Variants in DNAH10 observed in about 807,000 individuals in gnomAD.
The protein encoded by DNAH10 is dynein axonemal heavy chain 10, also known as axonemal beta dynein heavy chain 10.
In DNAH10, 348 loss-of-function variants were observed where a neutral mutation model predicts 506.6. The ratio of observed to expected loss-of-function variants is 0.69; its 90% CI spans 0.63 to 0.75. The LOEUF (loss-of-function observed/expected upper bound fraction) is 0.75. Among genes scored for constraint, DNAH10 ranks in the 30% least tolerant of loss-of-function variants. The probability of loss-of-function intolerance (pLI) is 0.00; values close to 1 mark genes in which losing one functional copy is unlikely to be tolerated. For missense variants in DNAH10, 5,179 were observed against 5,787.1 expected, an observed-to-expected ratio of 0.89 and a Z score of 3.41; for synonymous variants, 2,059 against 2,198.6, an observed-to-expected ratio of 0.94 and a Z score of 1.78.
At chr12:123,875,714 T>A (rs528837734) in intron 47 of DNAH10, among the ~76,000 whole-genome samples, 2 of 152,144 alleles carry the variant, frequency 1.3e-5, no homozygotes, top group South Asian at 4.2e-4. Flanking sequence ...GAGGAAGAGG[T>A]CCATGGAGGT....
intron 2 of DNAH10, 108 bp downstream of exon 2, chr12:123,767,797 T>G (rs1957103687): frequency 2.2e-6 from 2 of 916,058 alleles, no homozygotes; most frequent in Non-Finnish European, 3.5e-6. Context: ...TCACTGGGTA[T>G]GAACCACAAA....
chr12:123,764,631 G>C (rs186015307), intron 1 of DNAH10, among the ~76,000 whole-genome samples: 1 of 152,210 alleles, frequency 6.6e-6, no homozygotes, highest in African/African-American at 2.4e-5. Flanking sequence ...ATGTCATCCA[G>C]TGTGGAAGCA....
At position 123,871,609 on chromosome 12, in the gene DNAH10, C is replaced by A. The variant is rs367601247; in HGVS notation, c.7785+7C>A. The A allele has an allele frequency of 1.3e-6, 2 of 1,547,926 alleles. No homozygotes were observed. Among genetic ancestry groups the A allele is most frequent in the African/African-American group, 2.7e-5 (2 of 73,060 alleles). On this transcript the variant is annotated splice_region_variant and intron_variant, in intron 45 of 78. Coordinates refer to ENST00000673944, the MANE Select transcript of DNAH10 (RefSeq NM_001372106.1). ...TCTGAGTGAAGAAACTAACGTAAGT[C>A]ATTATTCATATGAATTATCTATTGC...
rs776597295 is a variant in DNAH10, at chr12:123,928,341, G to A, written c.12106-46G>A. On this transcript the variant is annotated intron_variant, in intron 69 of 78. Transcript: ENST00000673944. The surrounding 1 kb of genome is among the most constrained non-coding windows in gnomAD (Gnocchi z 4.9). ...GTGGGTCTCTGGAGAGCACGGGGTT[G>A]GGTTTGGATGCCAACCCCTCTCCTC... 3.9e-5 allele frequency: 61 copies of A among 1,546,096 alleles called. No individual in the cohort carries two copies. In the Middle Eastern group the frequency reaches 6.7e-4, roughly 17 times the overall value.
At chr12:123,848,675 G>C (rs540590806) in intron 33 of DNAH10, 55 bp from the exon 34 acceptor site, 1 of 1,603,346 alleles carries the variant, frequency 6.2e-7, no homozygotes, top group African/African-American at 1.3e-5. Context: ...TAAATGTGTT[G>C]CTTGCAGTTT....
intron 56 of DNAH10, among the ~76,000 whole-genome samples, chr12:123,899,776 C>T (rs180760946): frequency 8.5e-5 from 13 of 152,306 alleles, no homozygotes; most frequent in Admixed American, 6.5e-5. Context: ...ATCCCTGAGG[C>T]GCCTCTAGTT....
At chr12:123,832,513 A>ATT (rs879362943) in intron 26 of DNAH10, among the ~76,000 whole-genome samples, 4 of 147,238 alleles carry the variant, frequency 2.7e-5, no homozygotes, top group African/African-American at 7.4e-5. Flanking sequence ...ATCAATACAG[A>ATT]TTTTTTTTTT....
intron 65 of DNAH10, among the ~76,000 whole-genome samples, chr12:123,921,585 T>G (rs1954724238): frequency 6.6e-6 from 1 of 152,112 alleles, no homozygotes; most frequent in African/African-American, 2.4e-5. Context: ...GAGCTTTTGA[T>G]GTGTTCTGTG....
chr12:123,784,208 G>C (rs763344156), intron 8 of DNAH10, 31 bp downstream of exon 8: 1 of 1,588,510 alleles, frequency 6.3e-7, no homozygotes, highest in Non-Finnish European at 8.6e-7. Context: ...TTTGCAGTCA[G>C]CTCTGTCAAA....
chr12:123,813,053 A>G, intron 19 of DNAH10, 111 bp from the exon 20 acceptor site: 1 of 725,194 alleles, frequency 1.4e-6, no homozygotes, highest in Non-Finnish European at 2.2e-6. Context: ...TTTATTAATA[A>G]TAAAGTGATT....
In DNAH10 at chr12:123,845,792, C is replaced by G. The variant is rs767366047; in HGVS notation, c.5553C>G (p.Asn1851Lys). The G allele has an allele frequency of 2.5e-6, 4 of 1,613,974 alleles. No individual in the cohort carries two copies. The Admixed American group carries it at 6.7e-5, about 27-fold the overall frequency. The change falls in exon 31 of 79, where the codon AAC becomes AAG. Residue 1851 changes from asparagine to lysine, a missense_variant. Transcript: ENST00000673944. Reference protein sequence around the residue: ...VTRITMPLSKNDRKKYNTVLI... With the variant: ...VTRITMPLSKKDRKKYNTVLI... ...GCATCACCATGCCGCTAAGCAAAAA[C>G]GACAGGAAAAAATACAACACTGTTC...
At chr12:123,871,230 G>A (rs371881232) in intron 44 of DNAH10, among the ~76,000 whole-genome samples, 10 of 152,190 alleles carry the variant, frequency 6.6e-5, no homozygotes, top group African/African-American at 1.4e-4. Flanking sequence ...TCTCAAAACC[G>A]GCTTGGGCGT....
In DNAH10 at chr12:123,911,066, C is replaced by T. The variant is rs1284378808; in HGVS notation, c.10134+394C>T. On this transcript the variant is annotated intron_variant, in intron 59 of 78. Coordinates refer to ENST00000673944, the MANE Select transcript of DNAH10 (RefSeq NM_001372106.1). ...ACAAAAAAAAAGTTTTTTAATTAGC[C>T]GAGCATGGTGGCACACACCTGTACT... Among the ~76,000 whole-genome samples, 7 of 149,882 alleles carry T rather than the reference C, an allele frequency of 4.7e-5. No individual in the cohort carries two copies. The East Asian group carries it at 1.0e-3, about 21-fold the overall frequency.
intron 62 of DNAH10, 105 bp downstream of exon 62, chr12:123,915,104 G>C (rs1954411837): frequency 7.1e-7 from 1 of 1,404,294 alleles, no homozygotes; most frequent in Non-Finnish European, 9.4e-7. Context: ...AGCGAGGCTG[G>C]GCTGAAATGC....
intron 42 of DNAH10, 96 bp downstream of exon 42, chr12:123,867,697 G>A (rs1951866515): frequency 6.5e-7 from 1 of 1,539,684 alleles, no homozygotes; most frequent in African/African-American, 1.4e-5. Context: ...CAGACAGGGT[G>A]AACAGTAGCA....
intron 13 of DNAH10, among the ~76,000 whole-genome samples, chr12:123,798,825 A>T (rs1958373899): frequency 6.7e-6 from 1 of 149,112 alleles, no homozygotes; most frequent in African/African-American, 2.4e-5. Context: ...TATAAAAATG[A>T]CCAGGTGCAG....
chr12:123,809,548 G>T (rs143775839), intron 19 of DNAH10, among the ~76,000 whole-genome samples: 1 of 152,158 alleles, frequency 6.6e-6, no homozygotes, highest in African/African-American at 2.4e-5. Context: ...TACTTGGGAG[G>T]CTGAGGCAGA....
chr12:123,846,057 G>A lies in DNAH10; in HGVS notation c.5717G>A (p.Cys1906Tyr), dbSNP rs763218588. 1.2e-6 allele frequency: 2 copies of A among 1,614,044 alleles called. No homozygotes were observed. Among genetic ancestry groups the A allele is most frequent in the Non-Finnish European group, 1.7e-6 (2 of 1,179,900 alleles). ...REPDELNIRQ[C>Y]TGTFGYGYEY... is the part of the protein sequence containing the mutation. ...CCGGATGAGCTGAACATCCGCCAGTGCACGGGAACCTTTGGCTACGGCTAC... is the reference window on the plus strand; with the variant it reads ...CCGGATGAGCTGAACATCCGCCAGTACACGGGAACCTTTGGCTACGGCTAC... Residue 1906 changes from cysteine to tyrosine, a missense_variant, in exon 32 of 79, where the codon TGC becomes TAC. This residue lies in a region of DNAH10 where 4,844 missense variants were observed against 5,430.5 expected (regional missense o/e 0.89). Transcript: ENST00000673944. This position sits in a 1 kb window ranked among gnomAD's most constrained non-coding sequence, Gnocchi z 4.5.
chr12:123,910,367 T>C (rs1009112499), intron 58 of DNAH10, among the ~76,000 whole-genome samples, 169 bp from the exon 59 acceptor site: 36 of 152,242 alleles, frequency 2.4e-4, no homozygotes, highest in African/African-American at 8.4e-4. Flanking sequence ...CATCCGTTTA[T>C]GCAGAACCCA....
Sources: allele counts gnomAD v4.1 joint callset (sites outside exome capture counted in the v4.1 genomes callset), GRCh38; gene constraint gnomAD v4.1.1; regional missense constraint gnomAD v4.1.1; non-coding constraint Gnocchi (gnomAD v3.1); transcripts MANE v1.5; gene names NCBI Gene and HGNC (gene_info 2026-07-23, HGNC 2026-07-21).